Variants in ENPEP observed in about 807,000 individuals in gnomAD.
ENPEP encodes the protein AP-A.
ENPEP carries 103 observed loss-of-function variants against 114.5 expected under a neutral mutation model. The ratio of observed to expected loss-of-function variants is 0.90; its 90% CI spans 0.77 to 1.06. ENPEP has a LOEUF of 1.06. ENPEP is among the 50% of genes least tolerant of loss of function. The pLI, the probability that ENPEP is intolerant of heterozygous loss-of-function variation, is 0.00. For missense variants in ENPEP, 1,196 were observed against 1,161.3 expected, an observed-to-expected ratio of 1.03 and a Z score of -0.43; for synonymous variants, 420 against 422.0, an observed-to-expected ratio of 1.00 and a Z score of 0.06.
intron 4 of ENPEP, among the ~76,000 whole-genome samples, chr4:110,508,389 T>C (rs984158926): frequency 1.3e-5 from 2 of 152,190 alleles, no homozygotes; most frequent in African/African-American, 2.4e-5. Flanking sequence ...TTCTCTACTT[T>C]TGAAATGACT....
At chr4:110,494,131 T>C (rs1724836303) in intron 3 of ENPEP, among the ~76,000 whole-genome samples, 1 of 152,144 alleles carries the variant, frequency 6.6e-6, no homozygotes, top group Non-Finnish European at 1.5e-5. Context: ...TCAGAAATAG[T>C]AGTCAGAGTT....
chr4:110,520,024 A>G lies in ENPEP; in HGVS notation c.1526A>G (p.Tyr509Cys), dbSNP rs1560561771. 3.1e-6 allele frequency: 5 copies of G among 1,613,960 alleles called. No individual in the cohort carries two copies. The highest frequency in any genetic ancestry group is 4.2e-6 in the Non-Finnish European group (5 of 1,179,868). The change falls in exon 9 of 20, where the codon TAC becomes TGC. Residue 509 changes from tyrosine to cysteine, a missense_variant. Tyr to Cys is a radical substitution (Grantham distance 194). Coordinates refer to ENST00000265162, the MANE Select transcript of ENPEP (RefSeq NM_001977.4). ...QKGCQMYLEKYQFKNAKTSDF... is the reference protein window; with the variant it reads ...QKGCQMYLEKCQFKNAKTSDF... ...TACACACAGATGTACTTGGAAAAAT[A>G]CCAATTCAAGAATGCAAAAACTTCT...
intron 5 of ENPEP, among the ~76,000 whole-genome samples, chr4:110,510,031 C>A (rs1396698603): frequency 6.6e-6 from 1 of 152,052 alleles, no homozygotes; most frequent in Non-Finnish European, 1.5e-5. Context: ...AATTTATGTA[C>A]CCCAGTAATA....
At chr4:110,507,612 C>T (rs1216362556) in intron 4 of ENPEP, among the ~76,000 whole-genome samples, 2 of 152,204 alleles carry the variant, frequency 1.3e-5, no homozygotes, top group Non-Finnish European at 2.9e-5. Flanking sequence ...TCAATGGATA[C>T]AATTCTATTT....
chr4:110,493,922 CAAGT>C (rs1288061565), intron 3 of ENPEP, among the ~76,000 whole-genome samples: 1 of 152,050 alleles, frequency 6.6e-6, no homozygotes, highest in Non-Finnish European at 1.5e-5. Context: ...ATGAGGAAAA[CAAGT>C]AACATAAAAG....
At chr4:110,529,430 G>C (rs1726319535) in intron 10 of ENPEP, among the ~76,000 whole-genome samples, 1 of 152,172 alleles carries the variant, frequency 6.6e-6, no homozygotes, top group African/African-American at 2.4e-5. Flanking sequence ...TGACTTGTTA[G>C]AAAGTGTTTC....
chr4:110,520,387 G>GAA (rs746164941), intron 10 of ENPEP, 21 bp downstream of exon 10: 2 of 1,608,730 alleles, frequency 1.2e-6, no homozygotes, highest in South Asian at 1.1e-5. Flanking sequence ...ATAATGCATT[G>GAA]AAAAAAACAC....
At chr4:110,517,501 C>T (rs1487198891) in intron 8 of ENPEP, among the ~76,000 whole-genome samples, 2 of 152,086 alleles carry the variant, frequency 1.3e-5, no homozygotes, top group Admixed American at 6.5e-5. Flanking sequence ...TCAGAGCTGG[C>T]TTCAAATTAA....
intron 11 of ENPEP, among the ~76,000 whole-genome samples, chr4:110,542,396 C>T (rs997464165): frequency 2.0e-5 from 3 of 151,958 alleles, no homozygotes; most frequent in African/African-American, 7.3e-5. Context: ...TATGGACTAC[C>T]CCTGAAGGCA....
At chr4:110,519,524 T>C (rs1725901095) in intron 8 of ENPEP, 1 of 162,186 alleles carries the variant, frequency 6.2e-6, no homozygotes. Context: ...GTAAAGAAAA[T>C]TGCCAAAAGA....
At chr4:110,491,325 T>C (rs1724704852) in intron 3 of ENPEP, among the ~76,000 whole-genome samples, 161 bp downstream of exon 3, 2 of 151,768 alleles carry the variant, frequency 1.3e-5, no homozygotes, top group African/African-American at 4.8e-5. Flanking sequence ...AAATGTAGGC[T>C]GAAAGGATAC....
chr4:110,493,321 T>C (rs1183794211), intron 3 of ENPEP, among the ~76,000 whole-genome samples: 1 of 152,352 alleles, frequency 6.6e-6, no homozygotes, highest in Non-Finnish European at 1.5e-5. Context: ...GGTTCTTCTA[T>C]GAAAACTAAG....
Position 110,561,550 on chromosome 4 carries a change from A to T in ENPEP, c.2866A>T (p.Ser956Cys). ...AGAATGGTTTTTTAATTTACTTGAG[A>T]GTGGTTAATGTATTCAAATGTTAGA... is the stretch of plus-strand genomic sequence containing the variant. ...IREWFFNLLE[S>C]G is the part of the protein sequence containing the mutation. Residue 956 changes from serine (S) to cysteine (C), a missense_variant, in exon 20 of 20, where the codon AGT (serine) becomes TGT (cysteine). By Grantham distance (112) the Ser-to-Cys change is moderately radical. Coordinates refer to ENST00000265162, the MANE Select transcript of ENPEP (RefSeq NM_001977.4). The T allele has an allele frequency of 6.2e-7, 1 of 1,613,046 alleles. No individual in the cohort carries two copies. Among genetic ancestry groups the T allele is most frequent in the Non-Finnish European group, 8.5e-7 (1 of 1,179,652 alleles).
At chr4:110,543,404 GACAA>G (rs1202018121) in intron 13 of ENPEP, among the ~76,000 whole-genome samples, 3 of 151,978 alleles carry the variant, frequency 2.0e-5, no homozygotes, top group Non-Finnish European at 4.4e-5. Flanking sequence ...TTAATATAAA[GACAA>G]ACAATGTATT....
chr4:110,479,664 C>T (rs932276704), intron 1 of ENPEP, among the ~76,000 whole-genome samples: 5 of 151,836 alleles, frequency 3.3e-5, no homozygotes, highest in African/African-American at 9.7e-5. Flanking sequence ...TGCCAATGGT[C>T]GAGGGAAGGG....
intron 4 of ENPEP, among the ~76,000 whole-genome samples, chr4:110,507,135 A>G (rs1725402111): frequency 6.6e-6 from 1 of 152,226 alleles, no homozygotes; most frequent in Middle Eastern, 3.2e-3. Flanking sequence ...CCCTGTCATC[A>G]GCGAGTTAAA....
At chr4:110,525,223 C>G (rs775285056) in intron 10 of ENPEP, among the ~76,000 whole-genome samples, 5 of 152,204 alleles carry the variant, frequency 3.3e-5, no homozygotes, top group Non-Finnish European at 5.9e-5. Flanking sequence ...TTCTTGGGTG[C>G]CAGCTGCTCC....
At chr4:110,541,274 C>T (rs1726836685) in intron 11 of ENPEP, among the ~76,000 whole-genome samples, 1 of 152,116 alleles carries the variant, frequency 6.6e-6, no homozygotes. Context: ...TGGATATCTT[C>T]CAGACCTTGC....
chr4:110,514,700 T>TG (rs11406861), intron 7 of ENPEP, among the ~76,000 whole-genome samples: 83,241 of 151,758 alleles, frequency 0.55, 23,008 homozygotes, highest in East Asian at 0.68. Context: ...CTAATTTAAG[T>TG]GGGGGCAGTG....
Sources: gnomAD v4.1 joint callset for allele counts (sites outside exome capture counted in the v4.1 genomes callset) on GRCh38, gnomAD v4.1.1 for gene constraint, MANE v1.5 for transcripts, NCBI Gene and HGNC (gene_info 2026-07-23, HGNC 2026-07-21) for gene names.